The following ANKRD18B variants were observed in gnomAD, a reference collection of about 807,000 sequenced individuals.
ANKRD18B encodes ankyrin repeat domain-containing protein 18B.
In ANKRD18B, 75 loss-of-function variants were observed where a neutral mutation model predicts 111.8. The observed-to-expected ratio is 0.67, with a 90% CI of 0.56 to 0.81. The LOEUF is 0.81. ANKRD18B is among the 40% of genes least tolerant of loss of function. The pLI, the probability that ANKRD18B is intolerant of heterozygous loss-of-function variation, is 0.00. For missense variants in ANKRD18B, 1,038 were observed against 1,225.5 expected, an observed-to-expected ratio of 0.85 and a Z score of 2.28; for synonymous variants, 356 against 417.3, an observed-to-expected ratio of 0.85 and a Z score of 1.79.
chr9:33,547,681 A>AGTGTGTGTGTGTGTGTGT (rs55918212), intron 10 of ANKRD18B, among the ~76,000 whole-genome samples: 1 of 146,174 alleles, frequency 6.8e-6, no homozygotes, highest in Non-Finnish European at 1.5e-5. Context: ...AATTCTCTAG[A>AGTGTGTGTGTGTGTGTGT]GTGTGTGTGT....
chr9:33,566,606 C>A (rs1256700522), intron 15 of ANKRD18B, 106 bp downstream of exon 15: 1 of 1,345,888 alleles, frequency 7.4e-7, no homozygotes. Flanking sequence ...GCCTCTCTTA[C>A]GGCAATTTCC....
Position 33,568,794 on chromosome 9 carries a change from T to C in ANKRD18B, c.3078T>C (p.Asn1026=). The C allele has an allele frequency of 1.3e-6, 2 of 1,551,416 alleles. No individual in the cohort carries two copies. Among genetic ancestry groups the C allele is most frequent in the African/African-American group, 1.4e-5 (1 of 73,160 alleles). Residue 1026 remains asparagine (N), a synonymous_variant, in exon 17 of 19, where the codon AAT becomes AAC. Transcript: ENST00000684830. ...DPELPCVENL[N]SIELNRKYIP... ...AGTTACCTTGTGTTGAAAATCTTAA[T>C]AGTATAGAACTCAACAGAAAATATA...
chr9:33,534,264 T>C (rs1328745568), intron 4 of ANKRD18B, 106 bp from the exon 5 acceptor site: 1 of 1,419,790 alleles, frequency 7.0e-7, no homozygotes. Flanking sequence ...ATGGTTATTA[T>C]GTCTATCCTG....
At chr9:33,544,589 G>A (rs1828328518) in intron 10 of ANKRD18B, among the ~76,000 whole-genome samples, 1 of 152,182 alleles carries the variant, frequency 6.6e-6, no homozygotes, top group East Asian at 1.9e-4. Flanking sequence ...TGTAATCCCA[G>A]CACTTTGGGA....
At chr9:33,574,921 T>C (rs1828839245), downstream of ANKRD18B, among the ~76,000 whole-genome samples, 2 of 152,120 alleles carry the variant, frequency 1.3e-5, no homozygotes, top group Non-Finnish European at 2.9e-5. Flanking sequence ...TTGGAGCAGT[T>C]AGAGACACAC....
chr9:33,566,989 T>C, intron 15 of ANKRD18B, 114 bp from the exon 16 acceptor site: 7 of 1,041,476 alleles, frequency 6.7e-6, no homozygotes, highest in East Asian at 2.7e-5. Flanking sequence ...CTTCAGCCTC[T>C]TTTTAACATA....
chr9:33,525,053 G>T (rs1005942598), intron 1 of ANKRD18B, among the ~76,000 whole-genome samples: 7 of 152,216 alleles, frequency 4.6e-5, no homozygotes, highest in Admixed American at 6.5e-5. Context: ...TAGGTAGATA[G>T]GTTCTTTACT....
rs866608651 is a variant in ANKRD18B, at chr9:33,530,547, A to G, written c.495+1374A>G. 7.3e-3 allele frequency among the ~76,000 whole-genome samples: 1,099 copies of G among 151,082 alleles called. 11 individuals carry two copies. Among genetic ancestry groups the G allele is most frequent in the Non-Finnish European group, 0.013 (861 of 67,668 alleles). ...AAGAGCAAAAAAAAAAAAAAAAAAA[A>G]ACCTCAGTGTTCGAATACACTCCTG... is the stretch of plus-strand genomic sequence containing the variant. On this transcript the variant is annotated intron_variant, in intron 3 of 18. Coordinates refer to ENST00000684830, the MANE Select transcript of ANKRD18B (RefSeq NM_001393611.1).
chr9:33,553,610 G>A (rs1310516444), intron 12 of ANKRD18B, among the ~76,000 whole-genome samples: 1 of 152,188 alleles, frequency 6.6e-6, no homozygotes, highest in Non-Finnish European at 1.5e-5. Flanking sequence ...CGATCAGGAA[G>A]AAGGGAGATC....
intron 14 of ANKRD18B, among the ~76,000 whole-genome samples, chr9:33,560,743 G>A (rs147570885): frequency 6.6e-6 from 1 of 151,996 alleles, no homozygotes. Context: ...GGTGGATCAC[G>A]AGGTCAGGAG....
chr9:33,532,872 C>G (rs1343924794), intron 3 of ANKRD18B, among the ~76,000 whole-genome samples: 1 of 152,144 alleles, frequency 6.6e-6, no homozygotes. Flanking sequence ...AGGCAAAGTT[C>G]AAGGGATTTC....
rs182896214 is a variant in ANKRD18B at position 33,566,817 on chromosome 9, G to A, written c.2743-286G>A. Among the ~76,000 whole-genome samples the A allele has an allele frequency of 1.6e-4, 24 of 152,168 alleles. No homozygotes were observed. The East Asian group carries it at 4.2e-3, about 27-fold the overall frequency. On this transcript the variant is annotated intron_variant, in intron 15 of 18. Transcript: ENST00000684830. Reference sequence around the variant, plus strand: ...TACTTTTGAATTGGTCTTAAGCTACGTTGTTCATTGTTCACTTTTTAAAAT... The same window carrying A: ...TACTTTTGAATTGGTCTTAAGCTACATTGTTCATTGTTCACTTTTTAAAAT...
At chr9:33,551,572 C>G (rs1006914149) in intron 12 of ANKRD18B, among the ~76,000 whole-genome samples, 5 of 152,004 alleles carry the variant, frequency 3.3e-5, no homozygotes, top group African/African-American at 9.7e-5. Flanking sequence ...CATGTTGTAG[C>G]ACATATCAGT....
At chr9:33,538,475 A>C (rs1452910129) in intron 6 of ANKRD18B, among the ~76,000 whole-genome samples, 1 of 152,196 alleles carries the variant, frequency 6.6e-6, no homozygotes, top group South Asian at 2.1e-4. Flanking sequence ...CTGGTGGCTC[A>C]TGTGTAATCC....
intron 14 of ANKRD18B, among the ~76,000 whole-genome samples, chr9:33,561,566 G>A (rs1290110769): frequency 1.3e-5 from 2 of 152,130 alleles, no homozygotes; most frequent in Non-Finnish European, 2.9e-5. Flanking sequence ...TTTTTCCTTT[G>A]GAGTCATGGC....
intron 14 of ANKRD18B, among the ~76,000 whole-genome samples, chr9:33,560,710 C>T (rs1299161473): frequency 6.6e-6 from 1 of 152,082 alleles, no homozygotes; most frequent in African/African-American, 2.4e-5. Flanking sequence ...CCTGTAATCC[C>T]AGCACTTTGG....
At position 33,529,292 on chromosome 9, in the gene ANKRD18B, A is replaced by G. The variant is rs1587255888; in HGVS notation, c.495+119A>G. The G allele has an allele frequency of 8.1e-6, 11 of 1,364,010 alleles. No homozygotes were observed. The East Asian group carries it at 2.8e-4, about 35-fold the overall frequency. The allele number at this position is 1,364,010 out of a possible 1,614,324, so 84.5% of individuals were successfully genotyped here. A position where few individuals can be genotyped will look rare whatever the true frequency, so the allele number is the denominator to read the frequency against. On this transcript the variant is annotated intron_variant, in intron 3 of 18. Coordinates refer to ENST00000684830, the MANE Select transcript of ANKRD18B (RefSeq NM_001393611.1). ...AATGAAAATGTTTTGAAATAACTTA[A>G]TTGTCTAAAATTTTACTTTAAATGT...
chr9:33,528,003 A>G (rs7853246), intron 1 of ANKRD18B, among the ~76,000 whole-genome samples: 89,746 of 152,068 alleles, frequency 0.59, 27,322 homozygotes, highest in Non-Finnish European at 0.68. Context: ...TAGTAGTAAT[A>G]TAATTATAAC....
At chr9:33,552,078 A>G (rs187758742) in intron 12 of ANKRD18B, among the ~76,000 whole-genome samples, 3 of 152,382 alleles carry the variant, frequency 2.0e-5, no homozygotes, top group Admixed American at 1.3e-4. Context: ...GTATAAATTG[A>G]AAATATTTTA....
Sources: gnomAD v4.1 joint callset for allele counts (sites outside exome capture counted in the v4.1 genomes callset) on GRCh38, gnomAD v4.1.1 for gene constraint, MANE v1.5 for transcripts, NCBI Gene and HGNC (gene_info 2026-07-23, HGNC 2026-07-21) for gene names.